The following TUB variants were observed in gnomAD, a reference collection of about 807,000 sequenced individuals.
TUB encodes the protein tubby protein homolog.
TUB carries 33 observed loss-of-function variants against 59.7 expected under a neutral mutation model. The observed-to-expected ratio is 0.55, with a 90% CI of 0.42 to 0.74. The LOEUF (loss-of-function observed/expected upper bound fraction) is 0.74, where lower values mean the gene tolerates loss of function less well. Among genes scored for constraint, TUB ranks in the 30% least tolerant of loss-of-function variants. The pLI, the probability that TUB is intolerant of heterozygous loss-of-function variation, is 0.00. For missense variants in TUB, 659 were observed against 672.0 expected (o/e 0.98, Z 0.21); for synonymous variants, 293 against 256.4 (o/e 1.14, Z -1.36).
intron 3 of TUB, 43 bp downstream of exon 3, chr11:8,090,274 G>C (rs371317473): frequency 6.2e-7 from 1 of 1,602,566 alleles, no homozygotes; most frequent in Admixed American, 1.7e-5. Context: ...CTGCTTCGGG[G>C]AGCCCGTCAC....
At chr11:8,088,760 G>A (rs568810173) in intron 1 of TUB, among the ~76,000 whole-genome samples, 19 of 152,200 alleles carry the variant, frequency 1.2e-4, no homozygotes, top group Non-Finnish European at 2.1e-4. Flanking sequence ...TAAGTGATTT[G>A]AGTTACCAGT....
In TUB at chr11:8,103,491, C is replaced by G. The variant is rs550743132; in HGVS notation, c.*1872C>G. The G allele has an allele frequency of 1.3e-5, 2 of 152,684 alleles. No homozygotes were observed. Among genetic ancestry groups the G allele is most frequent in the Admixed American group, 6.5e-5 (1 of 15,296 alleles). The allele number at this position is 152,684 out of a possible 1,614,324, so 9.5% of individuals were successfully genotyped here. A position where few individuals can be genotyped will look rare whatever the true frequency, so the allele number is the denominator to read the frequency against. ...TAATATGCTCTCATTTCTTTGTAAT[C>G]TAGATTTTCCTATGTTGAATGCTTA... is the stretch of plus-strand genomic sequence containing the variant. On this transcript the variant is annotated 3_prime_UTR_variant, in exon 12 of 12. Coordinates refer to ENST00000299506, the MANE Select transcript of TUB (RefSeq NM_177972.3).
chr11:8,064,079 G>T (rs1943186847), intron 2 of TUB, among the ~76,000 whole-genome samples: 1 of 152,194 alleles, frequency 6.6e-6, no homozygotes, highest in East Asian at 1.9e-4. Flanking sequence ...CTGGAAAATG[G>T]ATAGCTCTGA....
At chr11:8,029,310 CGAG>C (rs1474737930) in intron 1 of TUB, among the ~76,000 whole-genome samples, 2 of 151,930 alleles carry the variant, frequency 1.3e-5, no homozygotes, top group Admixed American at 6.6e-5. Context: ...CTTTACCTTT[CGAG>C]GAGAACTTAA....
At position 8,081,365 on chromosome 11, in the gene TUB, C is replaced by A; in HGVS notation, c.-146C>A. Reference sequence around the variant, plus strand: ...GCAGAGCCAGCAGCCGGGGCCCTGGCGTGCAGCGCGGGCCTCGGCGGGGCC... The same window carrying A: ...GCAGAGCCAGCAGCCGGGGCCCTGGAGTGCAGCGCGGGCCTCGGCGGGGCC... On this transcript the variant is annotated 5_prime_UTR_variant, in exon 1 of 12. Transcript: ENST00000299506. The A allele has an allele frequency of 3.0e-6, 3 of 989,362 alleles. No homozygotes were observed. The highest frequency in any genetic ancestry group is 1.2e-6 in the Non-Finnish European group (1 of 833,298). 61.3% of individuals were successfully genotyped at this position (989,362 alleles called of 1,614,324 possible).
chr11:8,093,705 C>T (rs1399809245), intron 3 of TUB, among the ~76,000 whole-genome samples: 1 of 152,218 alleles, frequency 6.6e-6, no homozygotes, highest in Non-Finnish European at 1.5e-5. Context: ...TGGCCATATC[C>T]TCTCAGACAT....
At position 8,054,811 on chromosome 11, in the gene TUB, C is replaced by T. The variant is rs569769210; in HGVS notation, c.203+15119C>T. Among the ~76,000 whole-genome samples, 4 of 152,330 alleles carry T rather than the reference C, an allele frequency of 2.6e-5. No individual in the cohort carries two copies. In the East Asian group the frequency reaches 7.7e-4, roughly 29 times the overall value. ...GGTGTATGTTCCTGTGTTACTGTCA[C>T]TGGGAGGCACATGGCACATCTGGCT... On this transcript the variant is annotated intron_variant, in intron 2 of 12. Coordinates refer to the TUB transcript ENST00000305253.
At position 8,101,927 on chromosome 11, in the gene TUB, A is replaced by C; in HGVS notation, c.*308A>C. 5.5e-6 allele frequency: 2 copies of C among 360,958 alleles called. No homozygotes were observed. Among genetic ancestry groups the C allele is most frequent in the East Asian group, 5.0e-5 (1 of 19,828 alleles). 22.4% of individuals were successfully genotyped at this position (360,958 alleles called of 1,614,324 possible). A position where few individuals can be genotyped will look rare whatever the true frequency, so the allele number is the denominator to read the frequency against. On this transcript the variant is annotated 3_prime_UTR_variant, in exon 12 of 12. Transcript: ENST00000299506. ...GTAGTCGTACTTACCAAGCTGAGCAACCTCTTCAGCTGGGAAGGCCGCAAG... is the reference window on the plus strand; with the variant it reads ...GTAGTCGTACTTACCAAGCTGAGCACCCTCTTCAGCTGGGAAGGCCGCAAG...
At chr11:8,044,724 G>A (rs1160347223) in intron 2 of TUB, among the ~76,000 whole-genome samples, 1 of 152,206 alleles carries the variant, frequency 6.6e-6, no homozygotes, top group Admixed American at 6.5e-5. Flanking sequence ...ATAAGTCCCA[G>A]GTTGTCACCT....
In TUB at chr11:8,101,772, G is replaced by A. The variant is rs1944318441; in HGVS notation, c.*153G>A. 7.3e-7 allele frequency: 1 copy of A among 1,378,746 alleles called. No individual in the cohort carries two copies. Among genetic ancestry groups the A allele is most frequent in the Non-Finnish European group, 9.6e-7 (1 of 1,043,954 alleles). The allele number at this position is 1,378,746 out of a possible 1,614,324, so 85.4% of individuals were successfully genotyped here. On this transcript the variant is annotated 3_prime_UTR_variant, in exon 12 of 12. Coordinates refer to ENST00000299506, the MANE Select transcript of TUB (RefSeq NM_177972.3). ...TCCCTGGCCCAGCCAGCCAGGAACT[G>A]GCTCCTTTGCCTCTGCTACTGAGGC... is the stretch of plus-strand genomic sequence containing the variant.
At chr11:8,089,560 A>G in intron 1 of TUB, 50 bp from the exon 2 acceptor site, 2 of 1,608,108 alleles carry the variant, frequency 1.2e-6, no homozygotes, top group Non-Finnish European at 1.7e-6. Flanking sequence ...TGGGCTGTAT[A>G]TCCTGGCACC....
intron 2 of TUB, among the ~76,000 whole-genome samples, chr11:8,055,365 G>A (rs563451761): frequency 6.6e-6 from 1 of 152,326 alleles, no homozygotes; most frequent in African/African-American, 2.4e-5. Context: ...GTAAGAAGGG[G>A]TGTACCCCTG....
intron 2 of TUB, among the ~76,000 whole-genome samples, chr11:8,048,261 A>C (rs1221476838): frequency 1.3e-5 from 2 of 152,224 alleles, no homozygotes; most frequent in African/African-American, 2.4e-5. Context: ...AAATTGCCTG[A>C]GGTCACATAG....
At chr11:8,083,716 G>T (rs1336759283) in intron 1 of TUB, among the ~76,000 whole-genome samples, 1 of 151,728 alleles carries the variant, frequency 6.6e-6, no homozygotes, top group African/African-American at 2.4e-5. Flanking sequence ...CACCCTTATA[G>T]CCCTGCACTG....
At chr11:8,023,506 A>C (rs545286357) in intron 1 of TUB, among the ~76,000 whole-genome samples, 6 of 152,316 alleles carry the variant, frequency 3.9e-5, no homozygotes, top group Admixed American at 1.3e-4. Flanking sequence ...TTATCAACGC[A>C]ATGCTTCTAA....
chr11:8,101,196 A>G (rs1483681738), intron 11 of TUB, among the ~76,000 whole-genome samples, 199 bp downstream of exon 11: 1 of 152,110 alleles, frequency 6.6e-6, no homozygotes, highest in Non-Finnish European at 1.5e-5. Context: ...CTGGTCCTAG[A>G]TTCTGTGTAT....
intron 7 of TUB, 72 bp downstream of exon 7, chr11:8,097,497 TG>T: frequency 1.3e-6 from 2 of 1,597,090 alleles, no homozygotes; most frequent in Non-Finnish European, 1.7e-6. Context: ...GAAATGTGAC[TG>T]GAAGTCTCAT....
chr11:8,080,185 A>G (rs540186364), upstream of TUB, among the ~76,000 whole-genome samples: 144 of 152,252 alleles, frequency 9.5e-4, no homozygotes, highest in African/African-American at 3.4e-3. Flanking sequence ...TCCCCGCACA[A>G]CACTCTTCTG....
At chr11:8,092,681 T>C (rs1298027206) in intron 3 of TUB, among the ~76,000 whole-genome samples, 1 of 152,158 alleles carries the variant, frequency 6.6e-6, no homozygotes, top group Non-Finnish European at 1.5e-5. Flanking sequence ...GGGAGGTGCC[T>C]ACTGCTTCTC....
Sources: allele counts gnomAD v4.1 joint callset (sites outside exome capture counted in the v4.1 genomes callset), GRCh38; gene constraint gnomAD v4.1.1; transcripts MANE v1.5; gene names NCBI Gene and HGNC (gene_info 2026-07-23, HGNC 2026-07-21).